The following VWA3B variants were observed in gnomAD, a reference collection of about 807,000 sequenced individuals.
VWA3B encodes von Willebrand factor A domain containing 3B.
In VWA3B, 138 loss-of-function variants were observed where a neutral mutation model predicts 158.3. The observed-to-expected ratio is 0.87, with a 90% CI of 0.76 to 1.00. The LOEUF is 1.00. Among genes scored for constraint, VWA3B ranks in the 50% least tolerant of loss-of-function variants. The pLI is 0.00. For synonymous variants in VWA3B, 596 were observed against 587.3 expected, an observed-to-expected ratio of 1.01 and a Z score of -0.21; for missense variants, 1,555 against 1,565.1, an observed-to-expected ratio of 0.99 and a Z score of 0.11.
chr2:98,135,027 C>A (rs1449835177), intron 7 of VWA3B, among the ~76,000 whole-genome samples: 2 of 152,114 alleles, frequency 1.3e-5, no homozygotes, highest in African/African-American at 2.4e-5. Context: ...AAAATGCCAA[C>A]ATATAGGCAA....
rs1467391105 is a variant in VWA3B at position 98,119,846 on chromosome 2, C to CAGTT, written c.542+86_542+89dup. 10 of 1,491,538 alleles carry CAGTT rather than the reference C, an allele frequency of 6.7e-6. No individual in the cohort carries two copies. The Admixed American group carries it at 1.6e-4, about 24-fold the overall frequency. The allele number at this position is 1,491,538 out of a possible 1,614,324, so 92.4% of individuals were successfully genotyped here. A position where few individuals can be genotyped will look rare whatever the true frequency, so the allele number is the denominator to read the frequency against. ...TTGGAATTAAGTAGCACAGCTGACACAGTTAGCTCTCTGGTGAGGGAAGAG... is the reference window on the plus strand; with the variant it reads ...TTGGAATTAAGTAGCACAGCTGACACAGTTAGTTAGCTCTCTGGTGAGGGAAGAG... On this transcript the variant is annotated intron_variant, in intron 4 of 27. Coordinates refer to ENST00000477737, the MANE Select transcript of VWA3B (RefSeq NM_144992.5).
chr2:98,319,853 C>G, the VWA3B span, among the ~76,000 whole-genome samples: 2 of 150,024 alleles, frequency 1.3e-5, no homozygotes, highest in Non-Finnish European at 3.0e-5. Context: ...GCACTCCAAC[C>G]TGGGTGACAG....
intron 21 of VWA3B, among the ~76,000 whole-genome samples, chr2:98,260,793 T>A (rs1420548859): frequency 6.6e-6 from 1 of 151,860 alleles, no homozygotes; most frequent in Non-Finnish European, 1.5e-5. Flanking sequence ...TGTTACCTTT[T>A]GTCTCTTGTA....
At chr2:98,189,426 A>G (rs935227332) in intron 10 of VWA3B, among the ~76,000 whole-genome samples, 1 of 152,162 alleles carries the variant, frequency 6.6e-6, no homozygotes, top group African/African-American at 2.4e-5. Flanking sequence ...GATTTTCCTG[A>G]TAGCTTTTGT....
chr2:98,186,668 C>T (rs1020090052), intron 9 of VWA3B, among the ~76,000 whole-genome samples: 2 of 152,034 alleles, frequency 1.3e-5, no homozygotes, highest in African/African-American at 4.8e-5. Context: ...CAGAACGTGC[C>T]TGTCATTCAG....
chr2:98,175,267 AT>A (rs1177622616), intron 8 of VWA3B, among the ~76,000 whole-genome samples: 1 of 152,234 alleles, frequency 6.6e-6, no homozygotes, highest in Non-Finnish European at 1.5e-5. Context: ...TAAATAAGCG[AT>A]TTTAAATATG....
At chr2:98,115,240 A>C (rs1204586060) in intron 2 of VWA3B, among the ~76,000 whole-genome samples, 3 of 152,116 alleles carry the variant, frequency 2.0e-5, no homozygotes, top group Non-Finnish European at 2.9e-5. Flanking sequence ...TGGGAATTGA[A>C]CAATGAGAAC....
At chr2:98,298,634 T>C (rs542616188) in intron 24 of VWA3B, among the ~76,000 whole-genome samples, 12 of 152,312 alleles carry the variant, frequency 7.9e-5, no homozygotes, top group Non-Finnish European at 1.3e-4. Flanking sequence ...GGAAAGGCCA[T>C]GAATGTCAGT....
chr2:98,122,930 G>A (rs188542177), intron 5 of VWA3B, among the ~76,000 whole-genome samples: 58 of 152,312 alleles, frequency 3.8e-4, no homozygotes, highest in Non-Finnish European at 6.6e-4. Context: ...AGAAGAGACC[G>A]TGGAGCAGCA....
rs1037456370 is a variant in VWA3B at position 98,230,142 on chromosome 2, A to G, written c.2243A>G (p.Asn748Ser). Residue 748 changes from asparagine (N) to serine (S), a missense_variant, in exon 16 of 28, where the codon AAT becomes AGT. By Grantham distance (46) the Asn-to-Ser change is conservative. Transcript: ENST00000477737. Reference sequence around the variant, plus strand: ...GATTCAACACAAACTTCATCTCTGAATATGTTGAAGGGACCATGGGGCCTT... The same window carrying G: ...GATTCAACACAAACTTCATCTCTGAGTATGTTGAAGGGACCATGGGGCCTT... Reference protein sequence around the residue: ...DVDSTQTSSLNMLKGPWGLSD... With the variant: ...DVDSTQTSSLSMLKGPWGLSD... The G allele has an allele frequency of 5.6e-6, 9 of 1,611,874 alleles. No individual in the cohort carries two copies. The highest frequency in any genetic ancestry group is 3.4e-5 in the Admixed American group (2 of 59,352).
At chr2:98,200,245 A>G (rs1486359422) in intron 12 of VWA3B, among the ~76,000 whole-genome samples, 3 of 152,082 alleles carry the variant, frequency 2.0e-5, no homozygotes, top group African/African-American at 7.2e-5. Context: ...GCGGATATGG[A>G]TAATAGCTGG....
intron 9 of VWA3B, among the ~76,000 whole-genome samples, chr2:98,187,693 T>C (rs1475027720): frequency 2.6e-5 from 4 of 151,600 alleles, no homozygotes; most frequent in Non-Finnish European, 4.4e-5. Context: ...TGTGTGTGTG[T>C]GTGTGTGTGT....
chr2:98,139,349 G>A (rs1406052600), intron 7 of VWA3B, among the ~76,000 whole-genome samples: 1 of 152,224 alleles, frequency 6.6e-6, no homozygotes, highest in African/African-American at 2.4e-5. Flanking sequence ...GCTCCACGGT[G>A]CCCAGTCCCA....
At chr2:98,165,059 T>A (rs1678949795) in intron 8 of VWA3B, among the ~76,000 whole-genome samples, 2 of 152,216 alleles carry the variant, frequency 1.3e-5, no homozygotes, top group South Asian at 4.1e-4. Flanking sequence ...AGGGACTTGA[T>A]GTCAGCGCAT....
chr2:98,294,589 G>A (rs1689692864), intron 23 of VWA3B, among the ~76,000 whole-genome samples: 1 of 152,240 alleles, frequency 6.6e-6, no homozygotes, highest in African/African-American at 2.4e-5. Context: ...AAGGCAAGGA[G>A]GAAGACACAT....
rs918045120 is a variant in VWA3B at position 98,223,854 on chromosome 2, C to A, written c.2020-4348C>A. On this transcript the variant is annotated intron_variant, in intron 14 of 27. Coordinates refer to ENST00000477737, the MANE Select transcript of VWA3B (RefSeq NM_144992.5). ...CCTGTGATTCTCCTGCCTCAGCCTT[C>A]CAAGTAGCTAGGACTACAGGCGTGT... Among the ~76,000 whole-genome samples, 4 of 152,198 alleles carry A rather than the reference C, an allele frequency of 2.6e-5. No individual in the cohort carries two copies. In the South Asian group the frequency reaches 6.2e-4, roughly 24 times the overall value.
At chr2:98,105,573 A>G (rs879539274) in intron 2 of VWA3B, among the ~76,000 whole-genome samples, 1 of 151,842 alleles carries the variant, frequency 6.6e-6, no homozygotes, top group Non-Finnish European at 1.5e-5. Context: ...ATCTATTTTG[A>G]ATTAGTTTCT....
At chr2:98,094,708 G>A (rs1227587587) in intron 2 of VWA3B, among the ~76,000 whole-genome samples, 1 of 152,064 alleles carries the variant, frequency 6.6e-6, no homozygotes, top group African/African-American at 2.4e-5. Flanking sequence ...CCAGATCGAT[G>A]TCATAGATCT....
chr2:98,116,499 A>AT (rs1367002417), intron 3 of VWA3B, among the ~76,000 whole-genome samples: 2 of 151,752 alleles, frequency 1.3e-5, no homozygotes, highest in Admixed American at 6.6e-5. Context: ...GGTTTTGTTC[A>AT]TTTTTTTAAA....
Sources: allele counts gnomAD v4.1 joint callset (sites outside exome capture counted in the v4.1 genomes callset), GRCh38; gene constraint gnomAD v4.1.1; transcripts MANE v1.5; gene names NCBI Gene and HGNC (gene_info 2026-07-23, HGNC 2026-07-21).